BOC: variants seen among roughly 807,000 people sequenced by gnomAD.
The protein encoded by BOC is brother of CDO.
BOC carries 76 observed loss-of-function variants against 112.0 expected under a neutral mutation model. That is an observed-to-expected ratio of 0.68 (90% CI 0.56 to 0.82). The LOEUF is 0.82. BOC is among the 40% of genes least tolerant of loss of function. The probability of loss-of-function intolerance (pLI) is 0.00; values close to 1 mark genes in which losing one functional copy is unlikely to be tolerated. For missense variants in BOC, 1,309 were observed against 1,511.7 expected (o/e 0.87, Z 2.22); for synonymous variants, 580 against 599.8 (o/e 0.97, Z 0.48).
At position 113,270,987 on chromosome 3, in the gene BOC, T is replaced by G. The variant is rs561511082; in HGVS notation, c.667+43T>G. 6.2e-6 allele frequency: 10 copies of G among 1,613,044 alleles called. No homozygotes were observed. The East Asian group carries it at 1.8e-4, about 29-fold the overall frequency. On this transcript the variant is annotated intron_variant, in intron 6 of 19. Coordinates refer to ENST00000682979, the MANE Select transcript of BOC (RefSeq NM_001378074.1). The stretch of plus-strand genomic sequence containing the variant: ...CTGCTGGGGGATGGGGGATCACTGA[T>G]GGAAGGGCTCACAAAGATGGAAAGG...
chr3:113,285,471 C>T lies in BOC; in HGVS notation c.3066C>T (p.Arg1022=). 1 of 1,614,120 alleles carries T rather than the reference C, an allele frequency of 6.2e-7. No homozygotes were observed. Among genetic ancestry groups the T allele is most frequent in the Non-Finnish European group, 8.5e-7 (1 of 1,180,000 alleles). ...LLQPHHDCCQ[R]QEQPAAVGQS... Reference sequence around the variant, plus strand: ...AGCCCCATCACGACTGCTGCCAACGCCAGGAGCAGCCTGCTGCTGTGGGCC... The same window carrying T: ...AGCCCCATCACGACTGCTGCCAACGTCAGGAGCAGCCTGCTGCTGTGGGCC... The change falls in exon 19 of 20, where the codon CGC becomes CGT. Residue 1022 remains arginine (R), a synonymous_variant. Coordinates refer to ENST00000682979, the MANE Select transcript of BOC (RefSeq NM_001378074.1).
intron 2 of BOC, among the ~76,000 whole-genome samples, chr3:113,220,941 A>G (rs1940503857): frequency 6.6e-6 from 1 of 152,166 alleles, no homozygotes; most frequent in African/African-American, 2.4e-5. Flanking sequence ...ATCTTATTAG[A>G]AGAAGGGTGG....
Position 113,260,721 on chromosome 3 carries a change from A to AAGAAC in BOC, c.377-7550_377-7546dup, listed in dbSNP as rs1553737947. On this transcript the variant is annotated intron_variant, in intron 4 of 19. Transcript: ENST00000682979. ...ACAGAACAGAACAGAACAGAACAGA[A>AAGAAC]AGAACAGAACAGAACAGAACAGAAC... is the stretch of plus-strand genomic sequence containing the variant. Among the ~76,000 whole-genome samples the AAGAAC allele has an allele frequency of 7.6e-4, 70 of 92,260 alleles. 1 individual carries two copies. The highest frequency in any genetic ancestry group is 2.3e-3 in the South Asian group (6 of 2,658). The allele number at this position is 92,260 out of a possible 152,430, so 60.5% of individuals were successfully genotyped here. A position where few individuals can be genotyped will look rare whatever the true frequency, so the allele number is the denominator to read the frequency against.
chr3:113,246,439 AC>A (rs1054210246), intron 2 of BOC, among the ~76,000 whole-genome samples: 1 of 152,148 alleles, frequency 6.6e-6, no homozygotes, highest in African/African-American at 2.4e-5. Flanking sequence ...ACAACGTTAC[AC>A]TGCAATTAGG....
At position 113,233,175 on chromosome 3, in the gene BOC, G is replaced by GTGTGTC. The variant is rs1425030740; in HGVS notation, c.-81-16542_-81-16541insCTGTGT. ...TGTGTGTGTGTGTGTGTGTGTGTGTGTGTGTGTGTGTGTGTGTGTGTCGGG... is the reference window on the plus strand; with the variant it reads ...TGTGTGTGTGTGTGTGTGTGTGTGTGTGTGTCTGTGTGTGTGTGTGTGTGTGTCGGG... On this transcript the variant is annotated intron_variant, in intron 2 of 19. Coordinates refer to ENST00000682979, the MANE Select transcript of BOC (RefSeq NM_001378074.1). Among the ~76,000 whole-genome samples the GTGTGTC allele has an allele frequency of 4.0e-5, 6 of 151,240 alleles. 1 individual carries two copies. The highest frequency in any genetic ancestry group is 1.5e-4 in the African/African-American group (6 of 41,142).
chr3:113,270,839 G>A lies in BOC; in HGVS notation c.562G>A (p.Val188Met). 1 of 1,613,950 alleles carries A rather than the reference G, an allele frequency of 6.2e-7. No homozygotes were observed. The highest frequency in any genetic ancestry group is 1.1e-5 in the South Asian group (1 of 91,056). Residue 188 changes from valine to methionine, a missense_variant, in exon 6 of 20, where the codon GTG becomes ATG. Val to Met is a conservative substitution (Grantham distance 21, BLOSUM62 1). Transcript: ENST00000682979. ...LIMPSGNLQI[V>M]NASQEDEGMY... Reference sequence around the variant, plus strand: ...CATGCCCTCAGGGAACCTCCAGATTGTGAATGCCAGCCAGGAGGACGAGGG... The same window carrying A: ...CATGCCCTCAGGGAACCTCCAGATTATGAATGCCAGCCAGGAGGACGAGGG...
chr3:113,229,813 A>T (rs1261875107), intron 2 of BOC, among the ~76,000 whole-genome samples: 4 of 152,244 alleles, frequency 2.6e-5, no homozygotes, highest in Non-Finnish European at 5.9e-5. Context: ...CAAACACCGT[A>T]TCCAGTACAG....
chr3:113,227,347 C>G (rs576202659), intron 2 of BOC, among the ~76,000 whole-genome samples: 18 of 152,292 alleles, frequency 1.2e-4, no homozygotes, highest in African/African-American at 3.8e-4. Context: ...AAAAGCCAGT[C>G]AGAGTTGGCA....
chr3:113,271,342 A>G (rs1246372997), intron 6 of BOC: 2 of 414,660 alleles, frequency 4.8e-6, no homozygotes, highest in African/African-American at 2.0e-5. Context: ...GTTCTGCCCT[A>G]TATGAGGTCC....
At chr3:113,232,799 T>C (rs1204957271) in intron 2 of BOC, among the ~76,000 whole-genome samples, 1 of 152,186 alleles carries the variant, frequency 6.6e-6, no homozygotes, top group Non-Finnish European at 1.5e-5. Flanking sequence ...TTATTCAGAT[T>C]TATTAAGTTG....
At chr3:113,275,341 C>T (rs1199680789) in intron 9 of BOC, among the ~76,000 whole-genome samples, 1 of 152,194 alleles carries the variant, frequency 6.6e-6, no homozygotes, top group African/African-American at 2.4e-5. Context: ...GAGTCTCGGG[C>T]TCTGACAGGA....
intron 19 of BOC, among the ~76,000 whole-genome samples, chr3:113,285,856 G>GGTCT (rs1559895336): frequency 6.6e-6 from 1 of 152,106 alleles, no homozygotes; most frequent in African/African-American, 2.4e-5. Flanking sequence ...AGCCCTTTTT[G>GGTCT]GTCTGTGCAT....
intron 9 of BOC, among the ~76,000 whole-genome samples, chr3:113,275,847 C>T (rs138564444): frequency 1.7e-3 from 253 of 152,224 alleles, no homozygotes; most frequent in African/African-American, 5.7e-3. Context: ...ACATGCTCTC[C>T]TAGAAGTCCT....
intron 4 of BOC, among the ~76,000 whole-genome samples, chr3:113,256,968 C>A (rs1022278013): frequency 2.0e-4 from 31 of 152,094 alleles, no homozygotes; most frequent in African/African-American, 7.0e-4. Flanking sequence ...GCTATTAATA[C>A]CCTCAATGAT....
At chr3:113,225,366 C>A (rs1021550423) in intron 2 of BOC, among the ~76,000 whole-genome samples, 1 of 152,152 alleles carries the variant, frequency 6.6e-6, no homozygotes, top group African/African-American at 2.4e-5. Context: ...AAGACACTGG[C>A]CAGGTATTTC....
chr3:113,252,705 G>A (rs1945779916), intron 4 of BOC, among the ~76,000 whole-genome samples: 1 of 152,212 alleles, frequency 6.6e-6, no homozygotes, highest in Non-Finnish European at 1.5e-5. Context: ...GTCCTCAGCT[G>A]TCTCCCTGAG....
chr3:113,239,113 A>G (rs560248837), intron 2 of BOC, among the ~76,000 whole-genome samples: 22 of 152,384 alleles, frequency 1.4e-4, no homozygotes, highest in African/African-American at 4.8e-4. Flanking sequence ...CATCAAACAA[A>G]GTGTAAAAAC....
At chr3:113,257,048 A>T (rs530334856) in intron 4 of BOC, among the ~76,000 whole-genome samples, 1 of 152,342 alleles carries the variant, frequency 6.6e-6, no homozygotes, top group Admixed American at 6.5e-5. Flanking sequence ...AGCAAAGTTG[A>T]CACATGAAAT....
intron 2 of BOC, among the ~76,000 whole-genome samples, chr3:113,238,373 G>A (rs560496774): frequency 2.6e-5 from 4 of 152,162 alleles, no homozygotes; most frequent in Non-Finnish European, 4.4e-5. Flanking sequence ...GTCTGTTCAC[G>A]TATTCTCTTT....
Sources: gnomAD v4.1 joint callset for allele counts (sites outside exome capture counted in the v4.1 genomes callset) on GRCh38, gnomAD v4.1.1 for gene constraint, MANE v1.5 for transcripts, NCBI Gene and HGNC (gene_info 2026-07-23, HGNC 2026-07-21) for gene names.